GNAI1: variants seen among roughly 807,000 people sequenced by gnomAD.
GNAI1 encodes the protein G protein subunit alpha i1, also known as guanine nucleotide-binding protein G(i) subunit alpha-1.
Under a neutral mutation model 38.9 loss-of-function variants are expected in GNAI1, and 11 were observed. The ratio of observed to expected loss-of-function variants is 0.28; its 90% confidence interval spans 0.18 to 0.47. The LOEUF (loss-of-function observed/expected upper bound fraction) is 0.47, where lower values mean the gene tolerates loss of function less well. Ranked by LOEUF, GNAI1 falls within the 20% of genes least tolerant of loss-of-function variation. The probability of loss-of-function intolerance (pLI) is 0.99; values close to 1 mark genes in which losing one functional copy is unlikely to be tolerated. For synonymous variants in GNAI1, 166 were observed against 145.1 expected, an observed-to-expected ratio of 1.14 and a Z score of -1.04; for missense variants, 317 against 436.9, an observed-to-expected ratio of 0.73 and a Z score of 2.45.
At chr7:80,194,907 A>G (rs540745105) in intron 3 of GNAI1, among the ~76,000 whole-genome samples, 5 of 152,092 alleles carry the variant, frequency 3.3e-5, no homozygotes, top group East Asian at 1.9e-4. Context: ...CTTTTTCCAC[A>G]TGAATGTTTG....
At chr7:80,160,592 A>G (rs62460734) in intron 1 of GNAI1, among the ~76,000 whole-genome samples, 15,176 of 152,172 alleles carry the variant, frequency 0.1, 806 homozygotes, top group African/African-American at 0.11. Flanking sequence ...AAAAATGAAT[A>G]CTTGTGATAT....
intron 7 of GNAI1, among the ~76,000 whole-genome samples, chr7:80,216,109 T>A (rs1267754450): frequency 6.6e-6 from 1 of 152,172 alleles, no homozygotes; most frequent in African/African-American, 2.4e-5. Flanking sequence ...TCAGTTTTTT[T>A]ATTGAAGCAT....
In GNAI1 at chr7:80,137,317, C is replaced by CTTTTTTTTTTTTTTTTTT. The variant is rs398005254; in HGVS notation, c.118+2043_118+2060dup. Among the ~76,000 whole-genome samples the CTTTTTTTTTTTTTTTTTT allele has an allele frequency of 4.4e-4, 24 of 53,982 alleles. 2 individuals carry two copies. The highest frequency in any genetic ancestry group is 1.1e-3 in the African/African-American group (17 of 14,806). 35.4% of individuals were successfully genotyped at this position (53,982 alleles called of 152,430 possible). A position where few individuals can be genotyped will look rare whatever the true frequency, so the allele number is the denominator to read the frequency against. Reference sequence around the variant, plus strand: ...TCTTTTTTTTTTTTTCTTTTCTTTTCTTTTTTTTTTTTTTTTTTTTTGAGA... The same window carrying CTTTTTTTTTTTTTTTTTT: ...TCTTTTTTTTTTTTTCTTTTCTTTTCTTTTTTTTTTTTTTTTTTTTTTTTTTTTTTTTTTTTTTTGAGA... On this transcript the variant is annotated intron_variant, in intron 1 of 7. Coordinates refer to ENST00000649796, the MANE Select transcript of GNAI1 (RefSeq NM_002069.6).
At chr7:80,164,330 C>T (rs193087700) in intron 1 of GNAI1, among the ~76,000 whole-genome samples, 40 of 150,864 alleles carry the variant, frequency 2.7e-4, no homozygotes, top group Admixed American at 7.3e-4. Context: ...CGTAAGCCAC[C>T]GCACCTGGCT....
At chr7:80,188,923 A>G in intron 1 of GNAI1, 28 bp from the exon 2 acceptor site, 1 of 1,493,676 alleles carries the variant, frequency 6.7e-7, no homozygotes, top group Non-Finnish European at 9.3e-7. Flanking sequence ...TGATGAAATT[A>G]GAAACCTTTT....
At position 80,192,834 on chromosome 7, in the gene GNAI1, G is replaced by A. The variant is rs574623951; in HGVS notation, c.303+3603G>A. On this transcript the variant is annotated intron_variant, in intron 3 of 7. Coordinates refer to ENST00000649796, the MANE Select transcript of GNAI1 (RefSeq NM_002069.6). ...CTCAGCCTCCCGAGTAGCTAGGATT[G>A]CAGGTGTCCACCACCACCACACCTG... Among the ~76,000 whole-genome samples, 12 of 151,678 alleles carry A rather than the reference G, an allele frequency of 7.9e-5. No homozygotes were observed. The South Asian group carries it at 2.3e-3, about 29-fold the overall frequency.
chr7:80,159,208 G>A (rs1255523283), intron 1 of GNAI1, among the ~76,000 whole-genome samples: 1 of 152,002 alleles, frequency 6.6e-6, no homozygotes, highest in Admixed American at 6.6e-5. Context: ...ACAATTTTTT[G>A]GGGGGGCTTA....
intron 1 of GNAI1, among the ~76,000 whole-genome samples, chr7:80,142,393 T>C (rs1161475565): frequency 6.6e-6 from 1 of 152,256 alleles, no homozygotes; most frequent in Non-Finnish European, 1.5e-5. Context: ...TGTGAAAGAA[T>C]AAAGCTTTTC....
At chr7:80,192,676 A>G (rs1441272176) in intron 3 of GNAI1, among the ~76,000 whole-genome samples, 1 of 151,918 alleles carries the variant, frequency 6.6e-6, no homozygotes, top group Non-Finnish European at 1.5e-5. Flanking sequence ...TGTTGCTGCT[A>G]TTGTTATCTT....
At chr7:80,191,502 A>G (rs1788479912) in intron 3 of GNAI1, among the ~76,000 whole-genome samples, 1 of 151,924 alleles carries the variant, frequency 6.6e-6, no homozygotes, top group Non-Finnish European at 1.5e-5. Context: ...AGCAATTCTC[A>G]TGCCTCAGCC....
At chr7:80,200,340 A>AAAAAAAAAAAAAC (rs1554351824) in intron 4 of GNAI1, among the ~76,000 whole-genome samples, 5 of 150,030 alleles carry the variant, frequency 3.3e-5, no homozygotes, top group Non-Finnish European at 7.4e-5. Flanking sequence ...AAAAAAAAAA[A>AAAAAAAAAAAAAC]AAAAAAACCT....
intron 1 of GNAI1, among the ~76,000 whole-genome samples, chr7:80,143,504 T>C (rs1361390620): frequency 6.6e-6 from 1 of 152,174 alleles, no homozygotes; most frequent in Non-Finnish European, 1.5e-5. Context: ...TATCTATGAA[T>C]TTAGTTTTCT....
chr7:80,184,005 T>C (rs1195495223), intron 1 of GNAI1, among the ~76,000 whole-genome samples: 2 of 152,102 alleles, frequency 1.3e-5, no homozygotes, highest in Non-Finnish European at 2.9e-5. Flanking sequence ...CACAGTCTTA[T>C]TTGCTGGGCT....
At chr7:80,180,048 T>C (rs1450331934) in intron 1 of GNAI1, among the ~76,000 whole-genome samples, 1 of 152,172 alleles carries the variant, frequency 6.6e-6, no homozygotes, top group African/African-American at 2.4e-5. Flanking sequence ...GAGAGGCCCA[T>C]GAAGAATTGC....
chr7:80,212,893 C>G lies in GNAI1; in HGVS notation c.874+24C>G, dbSNP rs185508548. ...AGGTATTTTCCTTTTCTGGGAATAA[C>G]TTGTCAAGTTACATATTTCTAAGTG... On this transcript the variant is annotated intron_variant, in intron 7 of 7. Transcript: ENST00000649796. 195 of 1,478,526 alleles carry G rather than the reference C, an allele frequency of 1.3e-4. No homozygotes were observed. The African/African-American group carries it at 2.1e-3, about 16-fold the overall frequency. 91.6% of individuals were successfully genotyped at this position (1,478,526 alleles called of 1,614,324 possible). A position where few individuals can be genotyped will look rare whatever the true frequency, so the allele number is the denominator to read the frequency against.
At chr7:80,203,574 C>T (rs980112825) in intron 4 of GNAI1, 130 bp from the exon 5 acceptor site, 4 of 604,592 alleles carry the variant, frequency 6.6e-6, no homozygotes, top group African/African-American at 5.9e-5. Context: ...TATATCTTTA[C>T]ACACAAATTT....
At chr7:80,189,066 T>C (rs1201118511) in intron 2 of GNAI1, 24 bp from the exon 3 acceptor site, 1 of 1,603,372 alleles carries the variant, frequency 6.2e-7, no homozygotes, top group Non-Finnish European at 8.5e-7. Context: ...AAATAATTCT[T>C]TTTTTTCCCT....
intron 3 of GNAI1, among the ~76,000 whole-genome samples, chr7:80,198,831 T>C (rs73378694): frequency 0.031 from 4,775 of 152,288 alleles, 156 homozygotes; most frequent in African/African-American, 0.084. Flanking sequence ...GTTATGTTTC[T>C]TAGTTTAGAA....
chr7:80,159,767 C>A (rs1396556328), intron 1 of GNAI1, among the ~76,000 whole-genome samples: 1 of 152,036 alleles, frequency 6.6e-6, no homozygotes, highest in African/African-American at 2.4e-5. Context: ...TTCAAGTAGG[C>A]TGAATTTAGT....
Sources: gnomAD v4.1 joint callset for allele counts (sites outside exome capture counted in the v4.1 genomes callset) on GRCh38, gnomAD v4.1.1 for gene constraint, MANE v1.5 for transcripts, NCBI Gene and HGNC (gene_info 2026-07-23, HGNC 2026-07-21) for gene names.